SLC35B3: variants seen among roughly 807,000 people sequenced by gnomAD.
SLC35B3 encodes adenosine 3'-phospho 5'-phosphosulfate transporter 2.
Under a neutral mutation model 44.1 loss-of-function variants are expected in SLC35B3, and 35 were observed. The observed-to-expected ratio is 0.79, with a 90% confidence interval of 0.61 to 1.05. SLC35B3 has a LOEUF of 1.05. SLC35B3 is among the 50% of genes least tolerant of loss of function. The pLI, the probability that SLC35B3 is intolerant of heterozygous loss-of-function variation, is 0.00. For missense variants in SLC35B3, 414 were observed against 476.4 expected (o/e 0.87, Z 1.22); for synonymous variants, 146 against 167.3 (o/e 0.87, Z 0.98).
At chr6:8,422,708 C>T in intron 4 of SLC35B3, 84 bp from the exon 4 acceptor site, 1 of 1,045,486 alleles carries the variant, frequency 9.6e-7, no homozygotes, top group South Asian at 1.8e-5. Context: ...GTGTAAATGT[C>T]TAATTACTTT....
chr6:8,434,948 G>C lies in SLC35B3; in HGVS notation c.-44+395C>G. Reference sequence around the variant, plus strand: ...CAAATGGAGAAAAGAGTACCTTGGAGTGCCCCTATTTAATAAACACGGAAC... The same window carrying C: ...CAAATGGAGAAAAGAGTACCTTGGACTGCCCCTATTTAATAAACACGGAAC... On this transcript the variant is annotated intron_variant, in intron 1 of 10. Coordinates refer to ENST00000644923, the MANE Select transcript of SLC35B3 (RefSeq NM_001370476.2). The surrounding 1 kb of genome is among the most constrained non-coding windows in gnomAD (Gnocchi z 6.3). The C allele has an allele frequency of 4.7e-6, 2 of 425,486 alleles. No individual in the cohort carries two copies. Among genetic ancestry groups the C allele is most frequent in the Non-Finnish European group, 7.4e-6 (2 of 269,368 alleles). The allele number at this position is 425,486 out of a possible 1,614,324, so 26.4% of individuals were successfully genotyped here.
In SLC35B3 at chr6:8,412,709, A is replaced by G. The variant is rs953067749; in HGVS notation, c.*840T>C. Among the ~76,000 whole-genome samples, 3 of 152,216 alleles carry G rather than the reference A, an allele frequency of 2.0e-5. No individual in the cohort carries two copies. Among genetic ancestry groups the G allele is most frequent in the Admixed American group, 6.5e-5 (1 of 15,286 alleles). ...CAGGGGATGGTTTCAGGATAAAACT[A>G]TGAAACTGTTCCACTTCAGATCATC... On this transcript the variant is annotated 3_prime_UTR_variant, in exon 11 of 11. Transcript: ENST00000644923.
Position 8,420,818 on chromosome 6 carries a change from A to C in SLC35B3, c.585T>G (p.Tyr195Ter). ...TGGCAGCAGACACATCTGCAACATTATAACGCTTTCCTGTATAAAACAAAC... is the reference window on the plus strand; with the variant it reads ...TGGCAGCAGACACATCTGCAACATTCTAACGCTTTCCTGTATAAAACAAAC... Residue 195 changes from tyrosine (Y) to a stop codon, truncating the protein, a stop_gained, in exon 6 of 11, where the codon TAT becomes TAG. Coordinates refer to ENST00000644923, the MANE Select transcript of SLC35B3 (RefSeq NM_001370476.2). LOFTEE classifies it high-confidence loss of function. This position sits in a 1 kb window ranked among gnomAD's most constrained non-coding sequence, Gnocchi z 4.4. 1 of 1,610,994 alleles carries C rather than the reference A, an allele frequency of 6.2e-7. No individual in the cohort carries two copies. The highest frequency in any genetic ancestry group is 8.5e-7 in the Non-Finnish European group (1 of 1,177,916).
At chr6:8,418,026 T>A (rs1033837249) in intron 7 of SLC35B3, among the ~76,000 whole-genome samples, 3 of 152,088 alleles carry the variant, frequency 2.0e-5, no homozygotes, top group African/African-American at 7.2e-5. Context: ...GTGTGTCAGG[T>A]ACTGTGTTGA....
Position 8,435,283 on chromosome 6 carries a change from T to C in SLC35B3, c.-44+60A>G, listed in dbSNP as rs1466031324. On this transcript the variant is annotated intron_variant, in intron 1 of 10. Transcript: ENST00000644923. The surrounding 1 kb of genome is among the most constrained non-coding windows in gnomAD (Gnocchi z 5.5). ...TGAGGAAGATGGGCAGTGTCAAGGT[T>C]TTCTGGAGGAGAGGAGATCTGGGTC... The C allele has an allele frequency of 7.8e-7, 1 of 1,289,272 alleles. No individual in the cohort carries two copies. Among genetic ancestry groups the C allele is most frequent in the Non-Finnish European group, 1.0e-6 (1 of 988,838 alleles). 79.9% of individuals were successfully genotyped at this position (1,289,272 alleles called of 1,614,324 possible).
intron 4 of SLC35B3, among the ~76,000 whole-genome samples, chr6:8,427,037 G>A (rs776496196): frequency 1.5e-4 from 23 of 152,146 alleles, no homozygotes; most frequent in Non-Finnish European, 1.2e-4. Flanking sequence ...ATGATTTAGT[G>A]TATCTGGTGG....
At chr6:8,418,470 AACAC>A (rs35180249) in intron 7 of SLC35B3, among the ~76,000 whole-genome samples, 9 of 148,286 alleles carry the variant, frequency 6.1e-5, no homozygotes, top group South Asian at 4.2e-4. Flanking sequence ...AATTAATGTA[AACAC>A]ACACACACAC....
Position 8,428,004 on chromosome 6 carries a change from C to T in SLC35B3, c.352G>A (p.Val118Met). ...AATATGGAGTAAAAGGCAAACTGCACTAAGGTAAGGTACCAGCCACAGGAC... is the reference window on the plus strand; with the variant it reads ...AATATGGAGTAAAAGGCAAACTGCATTAAGGTAAGGTACCAGCCACAGGAC... The change falls in exon 4 of 11, where the codon GTG becomes ATG. Residue 118 changes from valine to methionine, a missense_variant. Transcript: ENST00000644923. The T allele has an allele frequency of 6.2e-7, 1 of 1,611,912 alleles. No homozygotes were observed. The highest frequency in any genetic ancestry group is 1.1e-5 in the South Asian group (1 of 90,840).
chr6:8,424,947 C>T (rs1402340651), intron 4 of SLC35B3, among the ~76,000 whole-genome samples: 3 of 152,052 alleles, frequency 2.0e-5, no homozygotes, highest in Non-Finnish European at 4.4e-5. Flanking sequence ...AAAGGTCTAA[C>T]GAGTAGCAGT....
At chr6:8,416,033 G>A (rs1035004854) in intron 9 of SLC35B3, among the ~76,000 whole-genome samples, 2 of 152,154 alleles carry the variant, frequency 1.3e-5, no homozygotes, top group African/African-American at 4.8e-5. Context: ...TGTGCAGCCA[G>A]ACTGCCATCA....
intron 4 of SLC35B3, among the ~76,000 whole-genome samples, chr6:8,424,166 G>T (rs573209689): frequency 6.6e-6 from 1 of 152,316 alleles, no homozygotes; most frequent in East Asian, 1.9e-4. Flanking sequence ...GTATAATGAA[G>T]AAATTAGATT....
At chr6:8,415,929 A>G (rs899366093) in intron 9 of SLC35B3, among the ~76,000 whole-genome samples, 2 of 152,110 alleles carry the variant, frequency 1.3e-5, no homozygotes, top group Admixed American at 6.6e-5. Context: ...GAGGATGAAG[A>G]TGGCACAGTG....
At chr6:8,428,154 G>A (rs1763616356) in intron 3 of SLC35B3, 96 bp from the exon 3 acceptor site, 2 of 1,142,176 alleles carry the variant, frequency 1.8e-6, no homozygotes, top group Non-Finnish European at 2.3e-6. Flanking sequence ...AAGAAACCAA[G>A]CCCCACCTCC....
chr6:8,424,562 G>C (rs1019093129), intron 4 of SLC35B3, among the ~76,000 whole-genome samples: 6 of 152,064 alleles, frequency 3.9e-5, no homozygotes, highest in African/African-American at 1.2e-4. Flanking sequence ...ACCTGGCCGG[G>C]GAGAAAATTT....
rs754219095 is a variant in SLC35B3, at chr6:8,432,576, T to C, written c.3+1809A>G. On this transcript the variant is annotated intron_variant, in intron 2 of 10. Coordinates refer to ENST00000644923, the MANE Select transcript of SLC35B3 (RefSeq NM_001370476.2). This position sits in a 1 kb window ranked among gnomAD's most constrained non-coding sequence, Gnocchi z 4.8. ...CAGATATGAGTTCAAGATCTGGCTT[T>C]ACTACTTATTAGCTGAGGAGCCTTG... 5.9e-5 allele frequency among the ~76,000 whole-genome samples: 9 copies of C among 152,176 alleles called. No homozygotes were observed. The highest frequency in any genetic ancestry group is 1.2e-4 in the Non-Finnish European group (8 of 68,026).
At position 8,416,898 on chromosome 6, in the gene SLC35B3, A is replaced by T. The variant is rs775801929; in HGVS notation, c.971T>A (p.Leu324His). The T allele has an allele frequency of 1.3e-6, 2 of 1,556,106 alleles. No homozygotes were observed. The highest frequency in any genetic ancestry group is 8.8e-7 in the Non-Finnish European group (1 of 1,137,560). ...ATCCCTCCTACCTGTTACAGCAATA[A>T]GTGCACCAAAAATTTTAATCAAAGC... is the stretch of plus-strand genomic sequence containing the variant. Residue 324 changes from leucine (L) to histidine (H), a missense_variant, in exon 9 of 11, where the codon CTT becomes CAT. Coordinates refer to ENST00000644923, the MANE Select transcript of SLC35B3 (RefSeq NM_001370476.2).
chr6:8,424,409 C>T (rs1041692592), intron 4 of SLC35B3, among the ~76,000 whole-genome samples: 1 of 152,018 alleles, frequency 6.6e-6, no homozygotes, highest in Non-Finnish European at 1.5e-5. Context: ...TACAAGTGCC[C>T]GCCACCATGT....
intron 8 of SLC35B3, 124 bp from the exon 8 acceptor site, chr6:8,417,119 CAA>C: frequency 1.7e-6 from 1 of 583,116 alleles, no homozygotes; most frequent in South Asian, 2.6e-5. Context: ...TGCAGTCAAG[CAA>C]AGATTCTTAT....
At chr6:8,431,865 C>T (rs1353395284) in intron 2 of SLC35B3, among the ~76,000 whole-genome samples, 1 of 152,140 alleles carries the variant, frequency 6.6e-6, no homozygotes, top group Non-Finnish European at 1.5e-5. Flanking sequence ...TCTAAGTTTG[C>T]TCTCCCTCCA....
Sources: allele counts gnomAD v4.1 joint callset (sites outside exome capture counted in the v4.1 genomes callset), GRCh38; gene constraint gnomAD v4.1.1; non-coding constraint Gnocchi (gnomAD v3.1); transcripts MANE v1.5; gene names NCBI Gene and HGNC (gene_info 2026-07-23, HGNC 2026-07-21).